The following FOS variants were observed in gnomAD, a reference collection of about 807,000 sequenced individuals.
FOS encodes Fos proto-oncogene, AP-1 transcription factor subunit.
In FOS, 9 loss-of-function variants were observed where a neutral mutation model predicts 27.2. The ratio of observed to expected loss-of-function variants is 0.33; its 90% CI spans 0.20 to 0.58. FOS has a LOEUF of 0.58. Ranked by LOEUF, FOS falls within the 20% of genes least tolerant of loss-of-function variation. The pLI, the probability that FOS is intolerant of heterozygous loss-of-function variation, is 0.87. For synonymous variants in FOS, 213 were observed against 205.1 expected (o/e 1.04, Z -0.33); for missense variants, 405 against 483.5 (o/e 0.84, Z 1.52).
chr14:75,281,508 C>A lies in FOS; in HGVS notation c.*84C>A. 1 of 1,435,148 alleles carries A rather than the reference C, an allele frequency of 7.0e-7. No homozygotes were observed. Among genetic ancestry groups the A allele is most frequent in the Non-Finnish European group, 9.4e-7 (1 of 1,063,624 alleles). 88.9% of individuals were successfully genotyped at this position (1,435,148 alleles called of 1,614,324 possible). A position where few individuals can be genotyped will look rare whatever the true frequency, so the allele number is the denominator to read the frequency against. On this transcript the variant is annotated 3_prime_UTR_variant, in exon 4 of 4. Transcript: ENST00000303562. The surrounding 1 kb of genome is among the most constrained non-coding windows in gnomAD (Gnocchi z 4.7). Reference sequence around the variant, plus strand: ...TTACAGAGAGGAGAAACACATCTTCCCTAGAGGGTTCCTGTAGACCTAGGG... The same window carrying A: ...TTACAGAGAGGAGAAACACATCTTCACTAGAGGGTTCCTGTAGACCTAGGG...
In FOS at chr14:75,278,916, C is replaced by T; in HGVS notation, c.-67C>T. ...GAGCAGTGACCGTGCTCCTACCCAG[C>T]TCTGCTCCACAGCGCCCACCTGTCT... On this transcript the variant is annotated 5_prime_UTR_variant, in exon 1 of 4. Transcript: ENST00000303562. This position sits in a 1 kb window ranked among gnomAD's most constrained non-coding sequence, Gnocchi z 4.1. 1 of 1,594,498 alleles carries T rather than the reference C, an allele frequency of 6.3e-7. No individual in the cohort carries two copies. The highest frequency in any genetic ancestry group is 8.5e-7 in the Non-Finnish European group (1 of 1,170,068).
chr14:75,279,682 A>G lies in FOS; in HGVS notation c.142-195A>G, dbSNP rs1594901689. The G allele has an allele frequency of 1.6e-6, 1 of 627,484 alleles. No homozygotes were observed. The highest frequency in any genetic ancestry group is 2.8e-6 in the Non-Finnish European group (1 of 359,426). 38.9% of individuals were successfully genotyped at this position (627,484 alleles called of 1,614,324 possible). A position where few individuals can be genotyped will look rare whatever the true frequency, so the allele number is the denominator to read the frequency against. ...AACGGGAACGCAGCGGCAGGATGGA[A>G]GAGACAGGCACTGCGCTGCGGAATG... is the stretch of plus-strand genomic sequence containing the variant. On this transcript the variant is annotated intron_variant, in intron 1 of 3. Transcript: ENST00000303562. This position sits in a 1 kb window ranked among gnomAD's most constrained non-coding sequence, Gnocchi z 5.4.
Position 75,278,929 on chromosome 14 carries a change from C to T in FOS, c.-54C>T. ...GCTCCTACCCAGCTCTGCTCCACAG[C>T]GCCCACCTGTCTCCGCCCCTCGGCC... On this transcript the variant is annotated 5_prime_UTR_variant, in exon 1 of 4. Transcript: ENST00000303562. The surrounding 1 kb of genome is among the most constrained non-coding windows in gnomAD (Gnocchi z 4.1). 6.2e-7 allele frequency: 1 copy of T among 1,606,406 alleles called. No homozygotes were observed. Among genetic ancestry groups the T allele is most frequent in the Non-Finnish European group, 8.5e-7 (1 of 1,176,908 alleles).
At position 75,279,826 on chromosome 14, in the gene FOS, T is replaced by A. The variant is rs753158066; in HGVS notation, c.142-51T>A. Reference sequence around the variant, plus strand: ...CGGCACTGGGAACTCGCCCCACCTGTGTCCGGAACCTGCTCGCTCACGTCG... The same window carrying A: ...CGGCACTGGGAACTCGCCCCACCTGAGTCCGGAACCTGCTCGCTCACGTCG... On this transcript the variant is annotated intron_variant, in intron 1 of 3. Coordinates refer to ENST00000303562, the MANE Select transcript of FOS (RefSeq NM_005252.4). The surrounding 1 kb of genome is among the most constrained non-coding windows in gnomAD (Gnocchi z 5.4). The A allele has an allele frequency of 1.3e-5, 20 of 1,541,792 alleles. No individual in the cohort carries two copies. In the South Asian group the frequency reaches 2.5e-4, roughly 19 times the overall value.
In FOS at chr14:75,278,921, C is replaced by T; in HGVS notation, c.-62C>T. ...GTGACCGTGCTCCTACCCAGCTCTGCTCCACAGCGCCCACCTGTCTCCGCC... is the reference window on the plus strand; with the variant it reads ...GTGACCGTGCTCCTACCCAGCTCTGTTCCACAGCGCCCACCTGTCTCCGCC... On this transcript the variant is annotated 5_prime_UTR_variant, in exon 1 of 4. Coordinates refer to ENST00000303562, the MANE Select transcript of FOS (RefSeq NM_005252.4). This position sits in a 1 kb window ranked among gnomAD's most constrained non-coding sequence, Gnocchi z 4.1. 1.2e-6 allele frequency: 2 copies of T among 1,601,396 alleles called. No individual in the cohort carries two copies. The highest frequency in any genetic ancestry group is 1.7e-6 in the Non-Finnish European group (2 of 1,174,534).
At position 75,280,809 on chromosome 14, in the gene FOS, G is replaced by A. The variant is rs138334429; in HGVS notation, c.528G>A (p.Lys176=). The change falls in exon 4 of 4, where the codon AAG becomes AAA. Residue 176 remains lysine, a synonymous_variant. Coordinates refer to ENST00000303562, the MANE Select transcript of FOS (RefSeq NM_005252.4). ...AGACAGACCAACTAGAAGATGAGAA[G>A]TCTGCTTTGCAGACCGAGATTGCCA... ...QAETDQLEDE[K]SALQTEIANL... 2 of 1,614,084 alleles carry A rather than the reference G, an allele frequency of 1.2e-6. No homozygotes were observed. Among genetic ancestry groups the A allele is most frequent in the Non-Finnish European group, 1.7e-6 (2 of 1,179,996 alleles).
At position 75,279,570 on chromosome 14, in the gene FOS, G is replaced by A; in HGVS notation, c.142-307G>A. On this transcript the variant is annotated intron_variant, in intron 1 of 3. Transcript: ENST00000303562. The surrounding 1 kb of genome is among the most constrained non-coding windows in gnomAD (Gnocchi z 5.4). Reference sequence around the variant, plus strand: ...CATTGATAAAAAGCGAGTTCATTCTGGAGACTCCGGAGCGGCGCCTGCGTC... The same window carrying A: ...CATTGATAAAAAGCGAGTTCATTCTAGAGACTCCGGAGCGGCGCCTGCGTC... 2 of 477,610 alleles carry A rather than the reference G, an allele frequency of 4.2e-6. No individual in the cohort carries two copies. The highest frequency in any genetic ancestry group is 3.8e-5 in the East Asian group (1 of 26,582). 29.6% of individuals were successfully genotyped at this position (477,610 alleles called of 1,614,324 possible). A position where few individuals can be genotyped will look rare whatever the true frequency, so the allele number is the denominator to read the frequency against.
chr14:75,280,290 C>A, intron 2 of FOS, 162 bp downstream of exon 2: 1 of 918,564 alleles, frequency 1.1e-6, no homozygotes, highest in Non-Finnish European at 1.7e-6. Context: ...CCAACTCAGA[C>A]TCTGAGTCTC....
Position 75,279,904 on chromosome 14 carries a change from A to G in FOS, c.169A>G (p.Ser57Gly). ...CTTCTGCACGGACCTGGCCGTCTCC[A>G]GTGCCAACTTCATTCCCACGGTCAC... ...QDFCTDLAVS[S>G]ANFIPTVTAI... The change falls in exon 2 of 4, where the codon AGT (serine) becomes GGT (glycine). Residue 57 changes from serine (S) to glycine (G), a missense_variant. By Grantham distance (56) the Ser-to-Gly change is moderately conservative. Transcript: ENST00000303562. The surrounding 1 kb of genome is among the most constrained non-coding windows in gnomAD (Gnocchi z 5.4). 1 of 1,612,116 alleles carries G rather than the reference A, an allele frequency of 6.2e-7. No individual in the cohort carries two copies. The highest frequency in any genetic ancestry group is 8.5e-7 in the Non-Finnish European group (1 of 1,178,682).
Position 75,279,063 on chromosome 14 carries a change from C to T in FOS, c.81C>T (p.Leu27=), listed in dbSNP as rs1594901431. The T allele has an allele frequency of 6.2e-7, 1 of 1,613,774 alleles. No individual in the cohort carries two copies. The highest frequency in any genetic ancestry group is 8.5e-7 in the Non-Finnish European group (1 of 1,179,952). The change falls in exon 1 of 4, where the codon CTC becomes CTT. Residue 27 remains leucine, a synonymous_variant. Transcript: ENST00000303562. This position sits in a 1 kb window ranked among gnomAD's most constrained non-coding sequence, Gnocchi z 5.4. ...CSSASPAGDS[L]SYYHSPADSF... ...GCGCGTCCCCGGCCGGGGATAGCCT[C>T]TCTTACTACCACTCACCCGCAGACT...
rs1487435024 is a variant in FOS at position 75,279,045 on chromosome 14, C to T, written c.63C>T (p.Ser21=). The stretch of plus-strand genomic sequence containing the variant: ...CATCCTCCCGCTGCAGCAGCGCGTC[C>T]CCGGCCGGGGATAGCCTCTCTTACT... The part of the protein sequence containing the change: ...EASSSRCSSA[S]PAGDSLSYYH... Residue 21 remains serine (S), a synonymous_variant, in exon 1 of 4, where the codon TCC becomes TCT. Coordinates refer to ENST00000303562, the MANE Select transcript of FOS (RefSeq NM_005252.4). The surrounding 1 kb of genome is among the most constrained non-coding windows in gnomAD (Gnocchi z 5.4). The T allele has an allele frequency of 6.2e-7, 1 of 1,613,754 alleles. No individual in the cohort carries two copies. The highest frequency in any genetic ancestry group is 1.6e-4 in the Middle Eastern group (1 of 6,062).
chr14:75,281,199 G>C lies in FOS; in HGVS notation c.918G>C (p.Leu306=). The part of the protein sequence containing the change: ...GSFYAADWEP[L]HSGSLGMGPM... ...TCTATGCAGCAGACTGGGAGCCTCT[G>C]CACAGTGGCTCCCTGGGGATGGGGC... Residue 306 remains leucine, a synonymous_variant, in exon 4 of 4, where the codon CTG becomes CTC. Coordinates refer to ENST00000303562, the MANE Select transcript of FOS (RefSeq NM_005252.4). This position sits in a 1 kb window ranked among gnomAD's most constrained non-coding sequence, Gnocchi z 4.7. 1.9e-6 allele frequency: 3 copies of C among 1,612,440 alleles called. No individual in the cohort carries two copies. Among genetic ancestry groups the C allele is most frequent in the Non-Finnish European group, 8.5e-7 (1 of 1,180,030 alleles).
rs943965077 is a variant in FOS at position 75,279,442 on chromosome 14, C to T, written c.141+319C>T. 4.4e-6 allele frequency: 2 copies of T among 457,556 alleles called. No individual in the cohort carries two copies. The highest frequency in any genetic ancestry group is 2.5e-5 in the South Asian group (1 of 39,966). 28.3% of individuals were successfully genotyped at this position (457,556 alleles called of 1,614,324 possible). A position where few individuals can be genotyped will look rare whatever the true frequency, so the allele number is the denominator to read the frequency against. On this transcript the variant is annotated intron_variant, in intron 1 of 3. Coordinates refer to ENST00000303562, the MANE Select transcript of FOS (RefSeq NM_005252.4). The surrounding 1 kb of genome is among the most constrained non-coding windows in gnomAD (Gnocchi z 5.4). ...CTCGCTAACTAGAGCCTGGCTTCTC[C>T]GGGGAGGTGGCAGAAAGCGGCAATC... is the stretch of plus-strand genomic sequence containing the variant.
chr14:75,279,051 C>T lies in FOS; in HGVS notation c.69C>T (p.Ala23=), dbSNP rs1181947073. ...SSSRCSSASP[A]GDSLSYYHSP... ...CCCGCTGCAGCAGCGCGTCCCCGGC[C>T]GGGGATAGCCTCTCTTACTACCACT... The change falls in exon 1 of 4, where the codon GCC becomes GCT. Residue 23 remains alanine (A), a synonymous_variant. Transcript: ENST00000303562. This position sits in a 1 kb window ranked among gnomAD's most constrained non-coding sequence, Gnocchi z 5.4. 6 of 1,613,618 alleles carry T rather than the reference C, an allele frequency of 3.7e-6. No homozygotes were observed. In the Admixed American group the frequency reaches 6.7e-5, roughly 18 times the overall value.
Position 75,279,404 on chromosome 14 carries a change from TCCCA to T in FOS, c.141+282_141+285del. On this transcript the variant is annotated intron_variant, in intron 1 of 3. Transcript: ENST00000303562. The surrounding 1 kb of genome is among the most constrained non-coding windows in gnomAD (Gnocchi z 5.4). ...TCTGACATTAGCTGGAGCAGACGTGTCCCAAGCACAAACTCGCTAACTAGAGCCT... is the reference window on the plus strand; with the variant it reads ...TCTGACATTAGCTGGAGCAGACGTGTAGCACAAACTCGCTAACTAGAGCCT... The T allele has an allele frequency of 2.0e-6, 1 of 507,798 alleles. No homozygotes were observed. The highest frequency in any genetic ancestry group is 3.5e-6 in the Non-Finnish European group (1 of 287,576). The allele number at this position is 507,798 out of a possible 1,614,324, so 31.5% of individuals were successfully genotyped here. A position where few individuals can be genotyped will look rare whatever the true frequency, so the allele number is the denominator to read the frequency against.
rs747907578 is a variant in FOS at position 75,279,157 on chromosome 14, G to A, written c.141+34G>A. The A allele has an allele frequency of 6.2e-7, 1 of 1,609,442 alleles. No homozygotes were observed. Among genetic ancestry groups the A allele is most frequent in the Non-Finnish European group, 8.5e-7 (1 of 1,179,742 alleles). On this transcript the variant is annotated intron_variant, in intron 1 of 3. Coordinates refer to ENST00000303562, the MANE Select transcript of FOS (RefSeq NM_005252.4). This position sits in a 1 kb window ranked among gnomAD's most constrained non-coding sequence, Gnocchi z 5.4. ...GGCTTCCCGTCGCCGCGGGGCCGGG[G>A]GCTTGGGGTCGCGGAGGAGGAGACA...
intron 3 of FOS, 21 bp from the exon 4 acceptor site, chr14:75,280,762 C>G: frequency 6.2e-7 from 1 of 1,613,144 alleles, no homozygotes; most frequent in Non-Finnish European, 8.5e-7. Context: ...CTTATGCTTT[C>G]CTTTATCCCT....
At position 75,279,194 on chromosome 14, in the gene FOS, G is replaced by T; in HGVS notation, c.141+71G>T. On this transcript the variant is annotated intron_variant, in intron 1 of 3. Coordinates refer to ENST00000303562, the MANE Select transcript of FOS (RefSeq NM_005252.4). The surrounding 1 kb of genome is among the most constrained non-coding windows in gnomAD (Gnocchi z 5.4). Reference sequence around the variant, plus strand: ...CGGAGGAGGAGACACCGGGCGGGACGCTCCAGTAGATGAGTAGGGGGCTCC... The same window carrying T: ...CGGAGGAGGAGACACCGGGCGGGACTCTCCAGTAGATGAGTAGGGGGCTCC... 18 of 1,591,138 alleles carry T rather than the reference G, an allele frequency of 1.1e-5. No homozygotes were observed. Among genetic ancestry groups the T allele is most frequent in the Non-Finnish European group, 1.5e-5 (18 of 1,171,492 alleles).
Position 75,280,116 on chromosome 14 carries a change from C to T in FOS, c.381C>T (p.Gly127=). The change falls in exon 2 of 4, where the codon GGC becomes GGT. Residue 127 remains glycine, a synonymous_variant. Transcript: ENST00000303562. ...GGRAQSIGRR[G]KVEQLSPEEE... is the part of the protein sequence containing the mutation. Reference sequence around the variant, plus strand: ...GAGCGCAGAGCATTGGCAGGAGGGGCAAGGTGGAACAGGTGAGGAACTCTA... The same window carrying T: ...GAGCGCAGAGCATTGGCAGGAGGGGTAAGGTGGAACAGGTGAGGAACTCTA... 6.2e-7 allele frequency: 1 copy of T among 1,613,822 alleles called. No homozygotes were observed. The highest frequency in any genetic ancestry group is 8.5e-7 in the Non-Finnish European group (1 of 1,179,990).
Sources: gnomAD v4.1 joint callset for allele counts on GRCh38, gnomAD v4.1.1 for gene constraint, Gnocchi (gnomAD v3.1) non-coding constraint, MANE v1.5 for transcripts, NCBI Gene and HGNC (gene_info 2026-07-23, HGNC 2026-07-21) for gene names.